Variants in BEND7 observed in about 807,000 individuals in gnomAD.
BEND7 encodes the protein BEN domain-containing protein 7.
BEND7 carries 28 observed loss-of-function variants against 50.9 expected under a neutral mutation model. That is an observed-to-expected ratio of 0.55 (90% confidence interval 0.41 to 0.75). The LOEUF (loss-of-function observed/expected upper bound fraction) is 0.75, where lower values mean the gene tolerates loss of function less well. Among genes scored for constraint, BEND7 ranks in the 30% least tolerant of loss-of-function variants. The probability of loss-of-function intolerance (pLI) is 0.00; values close to 1 mark genes in which losing one functional copy is unlikely to be tolerated. For missense variants in BEND7, 477 were observed against 491.3 expected (o/e 0.97, Z 0.28); for synonymous variants, 170 against 183.9 (o/e 0.92, Z 0.61).
intron 2 of BEND7, among the ~76,000 whole-genome samples, chr10:13,505,962 G>A (rs2077853270): frequency 6.6e-6 from 1 of 152,180 alleles, no homozygotes; most frequent in South Asian, 2.1e-4. Context: ...TAACAGGGAA[G>A]ACTGAAAACG....
Position 13,507,190 on chromosome 10 carries a change from T to C in BEND7, c.146-7110A>G, listed in dbSNP as rs144288906. The stretch of plus-strand genomic sequence containing the variant: ...AGAACTCAAAACATTCATTTATTAG[T>C]AGATATTTAAAAAGATCTGACCTCA... On this transcript the variant is annotated intron_variant, in intron 2 of 8. Transcript: ENST00000466271. Among the ~76,000 whole-genome samples, 23 of 152,292 alleles carry C rather than the reference T, an allele frequency of 1.5e-4. No homozygotes were observed. The East Asian group carries it at 3.5e-3, about 23-fold the overall frequency.
intron 6 of BEND7, among the ~76,000 whole-genome samples, chr10:13,461,951 A>G (rs890391473): frequency 6.6e-5 from 10 of 152,196 alleles, no homozygotes; most frequent in African/African-American, 2.2e-4. Context: ...CAGGCCTGCT[A>G]GAGATGAGCT....
rs542280463 is a variant in BEND7, at chr10:13,497,297, T to G, written c.449-409A>C. Among the ~76,000 whole-genome samples the G allele has an allele frequency of 3.1e-4, 47 of 152,356 alleles. 1 individual carries two copies. The highest frequency in any genetic ancestry group is 3.4e-3 in the Middle Eastern group (1 of 294). On this transcript the variant is annotated intron_variant, in intron 3 of 8. Coordinates refer to ENST00000466271, the MANE Select transcript of BEND7 (RefSeq NM_001369863.1). Reference sequence around the variant, plus strand: ...AGCCTTGCAAAAAAAATTTGGTAGCTGTGTTTAAGAGTTCATATTAAAAAT... The same window carrying G: ...AGCCTTGCAAAAAAAATTTGGTAGCGGTGTTTAAGAGTTCATATTAAAAAT...
At chr10:13,439,417 TTGTC>T (rs1835068450), downstream of BEND7, 1 of 1,614,138 alleles carries the variant, frequency 6.2e-7, no homozygotes. Context: ...TCTTGTGACA[TTGTC>T]TGAGGTGAGC....
At chr10:13,507,047 T>C (rs1432000189) in intron 2 of BEND7, among the ~76,000 whole-genome samples, 1 of 152,106 alleles carries the variant, frequency 6.6e-6, no homozygotes, top group Non-Finnish European at 1.5e-5. Flanking sequence ...ATTTTGGTTT[T>C]ATCCACGAGT....
chr10:13,442,645 T>C (rs557481595), intron 8 of BEND7: 22 of 152,352 alleles, frequency 1.4e-4, no homozygotes, highest in African/African-American at 2.6e-4. Flanking sequence ...CAAAACCCTG[T>C]AGCACTCCGT....
At chr10:13,502,495 G>A (rs778335271) in intron 2 of BEND7, among the ~76,000 whole-genome samples, 8 of 151,950 alleles carry the variant, frequency 5.3e-5, no homozygotes, top group African/African-American at 7.3e-5. Flanking sequence ...GAGAATGAAC[G>A]ACCAAGCGAG....
intron 6 of BEND7, among the ~76,000 whole-genome samples, chr10:13,476,098 C>CT (rs895131582): frequency 4.5e-4 from 68 of 151,508 alleles, no homozygotes; most frequent in African/African-American, 1.2e-3. Context: ...GAGCTATTCA[C>CT]TTTTTTTTTA....
At chr10:13,473,765 G>A (rs1000220897) in intron 6 of BEND7, among the ~76,000 whole-genome samples, 3 of 151,590 alleles carry the variant, frequency 2.0e-5, no homozygotes, top group Non-Finnish European at 4.4e-5. Flanking sequence ...ACCCATCATC[G>A]CTCTTAGACT....
intron 4 of BEND7, among the ~76,000 whole-genome samples, chr10:13,494,742 C>T (rs1193927611): frequency 6.6e-6 from 1 of 152,138 alleles, no homozygotes; most frequent in East Asian, 1.9e-4. Context: ...CTGAGTTTTT[C>T]TTCTCCTTTT....
chr10:13,514,052 C>T (rs1416264234), intron 2 of BEND7, among the ~76,000 whole-genome samples: 1 of 149,678 alleles, frequency 6.7e-6, no homozygotes, highest in African/African-American at 2.5e-5. Flanking sequence ...CCTTCTGTGT[C>T]CTCAGCCCCA....
chr10:13,479,222 TG>T, intron 6 of BEND7, among the ~76,000 whole-genome samples: 1 of 152,206 alleles, frequency 6.6e-6, no homozygotes, highest in South Asian at 2.1e-4. Flanking sequence ...TTGGCCAGGC[TG>T]GTCTTGAACT....
At position 13,491,751 on chromosome 10, in the gene BEND7, C is replaced by A. The variant is rs541219139; in HGVS notation, c.837+860G>T. 3.3e-5 allele frequency among the ~76,000 whole-genome samples: 5 copies of A among 152,196 alleles called. No homozygotes were observed. The East Asian group carries it at 9.6e-4, about 29-fold the overall frequency. On this transcript the variant is annotated intron_variant, in intron 5 of 8. Coordinates refer to ENST00000466271, the MANE Select transcript of BEND7 (RefSeq NM_001369863.1). ...AAATTTTTAAAACTTTTTTAAAAAG[C>A]AATTTGTTTCCTACTTAAAGTTTAA...
rs559692422 is a variant in BEND7 at position 13,474,368 on chromosome 10, G to T, written c.1063+6531C>A. The stretch of plus-strand genomic sequence containing the variant: ...ATCCGTCATGACTGTTAGATTTGGG[G>T]TCGATATTCCTCATGACTGTTAGAC... On this transcript the variant is annotated intron_variant, in intron 6 of 8. Transcript: ENST00000466271. Among the ~76,000 whole-genome samples, 8 of 151,878 alleles carry T rather than the reference G, an allele frequency of 5.3e-5. No individual in the cohort carries two copies. In the East Asian group the frequency reaches 1.6e-3, roughly 30 times the overall value.
intron 6 of BEND7, among the ~76,000 whole-genome samples, chr10:13,462,917 C>A (rs780582566): frequency 1.3e-5 from 2 of 152,182 alleles, no homozygotes; most frequent in African/African-American, 2.4e-5. Flanking sequence ...GACAGATGAT[C>A]TACAGAAGAA....
At chr10:13,497,835 T>C (rs11594028) in intron 3 of BEND7, among the ~76,000 whole-genome samples, 30,759 of 152,070 alleles carry the variant, frequency 0.2, 3,215 homozygotes, top group African/African-American at 0.24. Flanking sequence ...GTTCCAATTA[T>C]ATGTTTTATT....
chr10:13,463,491 A>G (rs1352992718), intron 6 of BEND7, among the ~76,000 whole-genome samples: 1 of 152,244 alleles, frequency 6.6e-6, no homozygotes, highest in Non-Finnish European at 1.5e-5. Context: ...CAGAGATAGA[A>G]TTATGAATCA....
At chr10:13,468,114 C>T (rs2074436534) in intron 6 of BEND7, among the ~76,000 whole-genome samples, 1 of 152,096 alleles carries the variant, frequency 6.6e-6, no homozygotes, top group African/African-American at 2.4e-5. Context: ...CAGGAGTGTC[C>T]CAGTGTGCGC....
chr10:13,529,280 C>T (rs932594933), upstream of BEND7, among the ~76,000 whole-genome samples: 1 of 151,112 alleles, frequency 6.6e-6, no homozygotes, highest in African/African-American at 2.4e-5. Context: ...GCTCGCTGGC[C>T]TCCCTCCGCC....
Sources: allele counts gnomAD v4.1 joint callset (sites outside exome capture counted in the v4.1 genomes callset), GRCh38; gene constraint gnomAD v4.1.1; transcripts MANE v1.5; gene names NCBI Gene and HGNC (gene_info 2026-07-23, HGNC 2026-07-21).